Variants in CADM2 observed in about 807,000 individuals in gnomAD.
CADM2 encodes the protein cell adhesion molecule 2, also known as immunoglobulin superfamily member 4D.
Under a neutral mutation model 49.8 loss-of-function variants are expected in CADM2, and 12 were observed. That is an observed-to-expected ratio of 0.24 (90% CI 0.15 to 0.39). The LOEUF (loss-of-function observed/expected upper bound fraction) is 0.39. CADM2 is among the 10% of genes least tolerant of loss of function. The probability of loss-of-function intolerance (pLI) is 1.00; values close to 1 mark genes in which losing one functional copy is unlikely to be tolerated. For synonymous variants in CADM2, 214 were observed against 175.4 expected, an observed-to-expected ratio of 1.22 and a Z score of -1.74; for missense variants, 378 against 492.3, an observed-to-expected ratio of 0.77 and a Z score of 2.20.
At chr3:85,493,557 A>G (rs1215881621) in intron 1 of CADM2, among the ~76,000 whole-genome samples, 2 of 152,224 alleles carry the variant, frequency 1.3e-5, no homozygotes, top group African/African-American at 4.8e-5. Flanking sequence ...AATTGCCAAT[A>G]AACTGACAAA....
intron 7 of CADM2, among the ~76,000 whole-genome samples, chr3:85,941,464 T>C (rs1577719911): frequency 6.6e-6 from 1 of 151,984 alleles, no homozygotes; most frequent in Non-Finnish European, 1.5e-5. Flanking sequence ...TACAGCAACT[T>C]CGATATTTTA....
At chr3:86,013,810 A>T in intron 8 of CADM2, 4 of 1,589,810 alleles carry the variant, frequency 2.5e-6, no homozygotes, top group Non-Finnish European at 2.6e-6. Context: ...AATATGAAGC[A>T]TTGTCGTGGT....
At chr3:85,898,573 CTTTTT>C (rs199547014) in intron 5 of CADM2, among the ~76,000 whole-genome samples, 7 of 142,386 alleles carry the variant, frequency 4.9e-5, no homozygotes, top group African/African-American at 1.5e-4. Context: ...ACATATCTTT[CTTTTT>C]TTTTTTTTGA....
At chr3:86,045,664 GA>G (rs1736581242) in intron 8 of CADM2, among the ~76,000 whole-genome samples, 1 of 152,046 alleles carries the variant, frequency 6.6e-6, no homozygotes, top group Non-Finnish European at 1.5e-5. Flanking sequence ...ATGTCTAAGT[GA>G]AATTCTTTTC....
At chr3:85,504,218 C>T (rs961207709) in intron 1 of CADM2, among the ~76,000 whole-genome samples, 4 of 151,896 alleles carry the variant, frequency 2.6e-5, no homozygotes, top group African/African-American at 9.7e-5. Context: ...TGCAGACCTT[C>T]GCGGTGAGTG....
At chr3:85,158,769 C>G (rs1250182535) in intron 1 of CADM2, among the ~76,000 whole-genome samples, 3 of 151,852 alleles carry the variant, frequency 2.0e-5, no homozygotes, top group African/African-American at 7.3e-5. Flanking sequence ...TGCAGCACAC[C>G]AGCATGGCAG....
At chr3:85,018,535 G>A (rs994195604) in intron 1 of CADM2, among the ~76,000 whole-genome samples, 2 of 151,988 alleles carry the variant, frequency 1.3e-5, no homozygotes, top group Admixed American at 6.6e-5. Flanking sequence ...TGTATTTTTC[G>A]TAGAGATGGC....
At chr3:85,420,969 A>T (rs573352299) in intron 1 of CADM2, among the ~76,000 whole-genome samples, 9 of 152,328 alleles carry the variant, frequency 5.9e-5, no homozygotes, top group African/African-American at 2.2e-4. Context: ...TTGCCATAGC[A>T]ATAATGGGGA....
intron 2 of CADM2, among the ~76,000 whole-genome samples, chr3:85,727,855 T>A (rs1466588761): frequency 6.6e-6 from 1 of 152,032 alleles, no homozygotes; most frequent in Non-Finnish European, 1.5e-5. Flanking sequence ...GTAGTGTATT[T>A]AAAAAAATAA....
intron 2 of CADM2, among the ~76,000 whole-genome samples, chr3:85,755,703 G>A (rs546694452): frequency 6.6e-6 from 1 of 152,002 alleles, no homozygotes; most frequent in African/African-American, 2.4e-5. Context: ...GTGAGAGAAG[G>A]GGGAGGTGCT....
intron 2 of CADM2, among the ~76,000 whole-genome samples, chr3:85,762,178 A>AGT (rs765021429): frequency 8.9e-4 from 136 of 152,250 alleles, no homozygotes; most frequent in Non-Finnish European, 1.6e-3. Flanking sequence ...CCCCTTACTT[A>AGT]AGGGAGATAG....
At chr3:85,948,325 G>A (rs970758864) in intron 7 of CADM2, among the ~76,000 whole-genome samples, 2 of 150,396 alleles carry the variant, frequency 1.3e-5, no homozygotes, top group Non-Finnish European at 3.0e-5. Flanking sequence ...ACTTTTTTTT[G>A]CATTTTTTTC....
chr3:85,660,918 A>G (rs578174661), intron 1 of CADM2, among the ~76,000 whole-genome samples: 1 of 151,982 alleles, frequency 6.6e-6, no homozygotes, highest in Admixed American at 6.6e-5. Context: ...AAACTAAAAA[A>G]AAAAAAAACA....
intron 1 of CADM2, among the ~76,000 whole-genome samples, chr3:85,238,287 G>T (rs1222017748): frequency 2.6e-5 from 4 of 151,860 alleles, no homozygotes; most frequent in African/African-American, 9.7e-5. Flanking sequence ...TTTTTAATGA[G>T]TACATATTAA....
chr3:85,985,578 G>A (rs73843562), intron 8 of CADM2, among the ~76,000 whole-genome samples: 9,842 of 151,944 alleles, frequency 0.065, 842 homozygotes, highest in African/African-American at 0.19. Flanking sequence ...AACCAGTCTA[G>A]AAATTATAGA....
At chr3:85,886,361 G>A (rs1190224166) in intron 5 of CADM2, 34 bp downstream of exon 5, 7 of 1,508,436 alleles carry the variant, frequency 4.6e-6, no homozygotes, top group East Asian at 4.6e-5. Flanking sequence ...CAAAATTAAT[G>A]TGCTGAAACC....
At chr3:85,560,825 A>G (rs2062076717) in intron 1 of CADM2, among the ~76,000 whole-genome samples, 5 of 152,066 alleles carry the variant, frequency 3.3e-5, no homozygotes, top group Admixed American at 3.3e-4. Context: ...ACAAACAGGA[A>G]AAAAAGTAGA....
At chr3:85,483,473 A>G (rs1004027000) in intron 1 of CADM2, among the ~76,000 whole-genome samples, 3 of 151,106 alleles carry the variant, frequency 2.0e-5, no homozygotes, top group Admixed American at 1.3e-4. Context: ...ATGTTCAATT[A>G]GTTTATTGAA....
chr3:86,041,389 C>A (rs960437427), intron 8 of CADM2, among the ~76,000 whole-genome samples: 1 of 152,072 alleles, frequency 6.6e-6, no homozygotes, highest in Non-Finnish European at 1.5e-5. Flanking sequence ...GGAGGAAGAT[C>A]TACGAAGCAA....
Sources: allele counts gnomAD v4.1 joint callset (sites outside exome capture counted in the v4.1 genomes callset), GRCh38; gene constraint gnomAD v4.1.1; transcripts MANE v1.5; gene names NCBI Gene and HGNC (gene_info 2026-07-23, HGNC 2026-07-21).